ALK: variants seen among roughly 807,000 people sequenced by gnomAD.
ALK encodes ALK tyrosine kinase receptor.
In ALK, 74 loss-of-function variants were observed where a neutral mutation model predicts 163.1. The observed-to-expected ratio is 0.45, with a 90% CI of 0.38 to 0.55. ALK has a LOEUF of 0.55. ALK is among the 20% of genes least tolerant of loss of function. The probability of loss-of-function intolerance (pLI) is 0.00; values close to 1 mark genes in which losing one functional copy is unlikely to be tolerated. For synonymous variants in ALK, 960 were observed against 843.2 expected (o/e 1.14, Z -2.40); for missense variants, 2,063 against 2,105.3 (o/e 0.98, Z 0.39).
At chr2:29,845,580 A>T (rs1372093221) in intron 1 of ALK, among the ~76,000 whole-genome samples, 1 of 152,090 alleles carries the variant, frequency 6.6e-6, no homozygotes, top group Non-Finnish European at 1.5e-5. Context: ...GAGTACGGGC[A>T]TGTGCCATCA....
At chr2:29,823,588 G>A (rs1052311467) in intron 1 of ALK, among the ~76,000 whole-genome samples, 1 of 152,190 alleles carries the variant, frequency 6.6e-6, no homozygotes, top group African/African-American at 2.4e-5. Context: ...CAGCAAAGGT[G>A]ACTCTTGTTA....
At chr2:29,207,638 T>A (rs1280005573) in intron 25 of ALK, among the ~76,000 whole-genome samples, 1 of 152,244 alleles carries the variant, frequency 6.6e-6, no homozygotes, top group Admixed American at 6.5e-5. Flanking sequence ...TCTGCAGTAA[T>A]GCAAGATCCA....
At chr2:29,453,743 A>C (rs1227097717) in intron 4 of ALK, among the ~76,000 whole-genome samples, 2 of 152,126 alleles carry the variant, frequency 1.3e-5, no homozygotes, top group Non-Finnish European at 2.9e-5. Flanking sequence ...GAGGAAGGGA[A>C]GACGATATGG....
At chr2:29,745,204 T>C (rs1680179727) in intron 1 of ALK, among the ~76,000 whole-genome samples, 1 of 152,158 alleles carries the variant, frequency 6.6e-6, no homozygotes. Context: ...CACTCACATT[T>C]TACCGAAGAA....
intron 1 of ALK, among the ~76,000 whole-genome samples, chr2:29,760,525 C>T (rs7576748): frequency 0.011 from 1,721 of 152,136 alleles, 7 homozygotes; most frequent in Middle Eastern, 0.027. Context: ...CACTAAGGTC[C>T]ACCCTTCCCA....
chr2:29,394,715 C>T (rs902107840), intron 4 of ALK, among the ~76,000 whole-genome samples: 1 of 152,194 alleles, frequency 6.6e-6, no homozygotes, highest in Admixed American at 6.5e-5. Flanking sequence ...GCCTTTCTAA[C>T]TCTTTCTGTA....
chr2:29,475,003 T>C (rs1005260786), intron 4 of ALK, among the ~76,000 whole-genome samples: 3 of 151,800 alleles, frequency 2.0e-5, no homozygotes, highest in Non-Finnish European at 1.5e-5. Context: ...TTGAAGTTTC[T>C]GCAGAAGAAA....
At chr2:29,883,147 G>A (rs1558532445) in intron 1 of ALK, among the ~76,000 whole-genome samples, 1 of 151,446 alleles carries the variant, frequency 6.6e-6, no homozygotes, top group African/African-American at 2.4e-5. Flanking sequence ...AAAAGAAAAA[G>A]AAAAAGAAAA....
At chr2:29,724,180 A>T (rs1163859777) in intron 1 of ALK, among the ~76,000 whole-genome samples, 1 of 152,242 alleles carries the variant, frequency 6.6e-6, no homozygotes, top group Non-Finnish European at 1.5e-5. Flanking sequence ...AATAAAATGT[A>T]ACAAATGCTC....
chr2:29,263,173 G>T (rs1469380614), intron 11 of ALK, among the ~76,000 whole-genome samples: 7 of 152,218 alleles, frequency 4.6e-5, no homozygotes, highest in Admixed American at 3.9e-4. Context: ...AAAGGGTCAT[G>T]GACTTCTGCC....
chr2:29,227,118 C>T lies in ALK; in HGVS notation c.2915-44G>A, dbSNP rs1363161055. On this transcript the variant is annotated intron_variant, in intron 17 of 28. Coordinates refer to ENST00000389048, the MANE Select transcript of ALK (RefSeq NM_004304.5). The surrounding 1 kb of genome is among the most constrained non-coding windows in gnomAD (Gnocchi z 4.4). ...GGTCAGTCTTGGGCCGAGCCTGCCTCCCCACTCCCAGCCTCAGTACTATGT... is the reference window on the plus strand; with the variant it reads ...GGTCAGTCTTGGGCCGAGCCTGCCTTCCCACTCCCAGCCTCAGTACTATGT... The T allele has an allele frequency of 6.2e-7, 1 of 1,613,648 alleles. No individual in the cohort carries two copies. Among genetic ancestry groups the T allele is most frequent in the Non-Finnish European group, 8.5e-7 (1 of 1,179,790 alleles).
At chr2:29,807,351 T>C (rs1444876356) in intron 1 of ALK, among the ~76,000 whole-genome samples, 1 of 152,224 alleles carries the variant, frequency 6.6e-6, no homozygotes, top group East Asian at 1.9e-4. Flanking sequence ...AGTCTTGTGC[T>C]ATTGATTTTG....
chr2:29,600,611 G>A (rs990221998), intron 3 of ALK, among the ~76,000 whole-genome samples: 9 of 152,298 alleles, frequency 5.9e-5, no homozygotes, highest in African/African-American at 1.7e-4. Context: ...GGCTGATATC[G>A]TGGGGGCTGC....
At chr2:29,471,735 C>A (rs1671351146) in intron 4 of ALK, among the ~76,000 whole-genome samples, 1 of 126,846 alleles carries the variant, frequency 7.9e-6, no homozygotes, top group Non-Finnish European at 1.8e-5. Flanking sequence ...AAATAACTTT[C>A]TTTTCTTTTT....
intron 26 of ALK, among the ~76,000 whole-genome samples, chr2:29,203,346 T>C (rs1358255877): frequency 2.0e-5 from 3 of 152,216 alleles, no homozygotes; most frequent in Middle Eastern, 3.4e-3. Context: ...TGTCTTCTTA[T>C]GTTTCCTGTG....
At chr2:29,225,786 A>T (rs557946852) in intron 18 of ALK, among the ~76,000 whole-genome samples, 1 of 152,210 alleles carries the variant, frequency 6.6e-6, no homozygotes, top group African/African-American at 2.4e-5. Context: ...GGGAAATTTA[A>T]CAGGGATGAA....
At chr2:29,350,452 C>A (rs1668082783) in intron 5 of ALK, among the ~76,000 whole-genome samples, 1 of 152,114 alleles carries the variant, frequency 6.6e-6, no homozygotes, top group Non-Finnish European at 1.5e-5. Flanking sequence ...CTGGGAAGAT[C>A]CTTCCATTGA....
At chr2:29,699,274 C>T (rs1178716161) in intron 2 of ALK, among the ~76,000 whole-genome samples, 1 of 152,194 alleles carries the variant, frequency 6.6e-6, no homozygotes, top group Non-Finnish European at 1.5e-5. Context: ...CTTCCACGCA[C>T]TGTCCTGGGT....
At position 29,216,952 on chromosome 2, in the gene ALK, GA is replaced by G. The variant is rs1429982746; in HGVS notation, c.3646-2872del. Reference sequence around the variant, plus strand: ...TGTGGGGGGTGTGTGTGTGGCATGTGATGTGTGTGTGGTGTGTGCGTGGTGT... The same window carrying G: ...TGTGGGGGGTGTGTGTGTGGCATGTGTGTGTGTGTGGTGTGTGCGTGGTGT... On this transcript the variant is annotated intron_variant, in intron 23 of 28. Coordinates refer to ENST00000389048, the MANE Select transcript of ALK (RefSeq NM_004304.5). Among the ~76,000 whole-genome samples the G allele has an allele frequency of 9.2e-4, 73 of 78,930 alleles. No individual in the cohort carries two copies. In the Middle Eastern group the frequency reaches 0.017, roughly 18 times the overall value. 51.8% of individuals were successfully genotyped at this position (78,930 alleles called of 152,430 possible). A position where few individuals can be genotyped will look rare whatever the true frequency, so the allele number is the denominator to read the frequency against.
Sources: allele counts gnomAD v4.1 joint callset (sites outside exome capture counted in the v4.1 genomes callset), GRCh38; gene constraint gnomAD v4.1.1; non-coding constraint Gnocchi (gnomAD v3.1); transcripts MANE v1.5; gene names NCBI Gene and HGNC (gene_info 2026-07-23, HGNC 2026-07-21).